Variants in IWS1 observed in about 807,000 individuals in gnomAD.
The protein encoded by IWS1 is interacts with SUPT6H, CTD assembly factor 1, also known as protein IWS1 homolog.
Under a neutral mutation model 86.7 loss-of-function variants are expected in IWS1, and 27 were observed. That is an observed-to-expected ratio of 0.31 (90% CI 0.23 to 0.43). IWS1 has a LOEUF of 0.43. IWS1 is among the 20% of genes least tolerant of loss of function. IWS1 has a pLI of 1.00. For missense variants in IWS1, 827 were observed against 1,000.8 expected (o/e 0.83, Z 2.34); for synonymous variants, 313 against 335.1 (o/e 0.93, Z 0.72).
At chr2:127,511,924 C>A (rs908114625) in intron 2 of IWS1, among the ~76,000 whole-genome samples, 2 of 152,164 alleles carry the variant, frequency 1.3e-5, no homozygotes, top group African/African-American at 4.8e-5. Context: ...ACTAACACAA[C>A]CTCCTGGTGG....
Position 127,526,291 on chromosome 2 carries a change from G to C in IWS1, c.-83C>G. On this transcript the variant is annotated 5_prime_UTR_variant, in exon 1 of 14. Transcript: ENST00000295321. ...TCCAGGCGGTGTGACCCCGGATGGC[G>C]CGGCTAAGTGTTCAGAGACTGCCGC... 6.5e-7 allele frequency: 1 copy of C among 1,544,056 alleles called. No homozygotes were observed. Among genetic ancestry groups the C allele is most frequent in the Non-Finnish European group, 8.7e-7 (1 of 1,146,882 alleles).
intron 2 of IWS1, 142 bp downstream of exon 2, chr2:127,523,534 C>T (rs998710719): frequency 1.4e-5 from 8 of 562,592 alleles, no homozygotes; most frequent in South Asian, 2.6e-5. Flanking sequence ...ATTTTTCAAG[C>T]GGTTTTCTAT....
intron 10 of IWS1, among the ~76,000 whole-genome samples, chr2:127,491,699 TC>T (rs1032615703): frequency 2.0e-5 from 3 of 152,136 alleles, no homozygotes; most frequent in African/African-American, 7.2e-5. Flanking sequence ...CACCTAAGCC[TC>T]CCAAAGTGCT....
chr2:127,494,970 A>T lies in IWS1; in HGVS notation c.1717-16T>A, dbSNP rs142701149. Reference sequence around the variant, plus strand: ...GTCTGTCTTCCTATTCAGAAAAAAAATAAAGATTTTTTTTTAAAACAGTAC... The same window carrying T: ...GTCTGTCTTCCTATTCAGAAAAAAATTAAAGATTTTTTTTTAAAACAGTAC... On this transcript the variant is annotated splice_polypyrimidine_tract_variant and intron_variant, in intron 7 of 13. Transcript: ENST00000295321. 4 of 1,521,072 alleles carry T rather than the reference A, an allele frequency of 2.6e-6. No individual in the cohort carries two copies. The South Asian group carries it at 3.7e-5, about 14-fold the overall frequency. 94.2% of individuals were successfully genotyped at this position (1,521,072 alleles called of 1,614,324 possible).
At chr2:127,484,996 C>CAAAAAGAAAAAG (rs55917794) in intron 13 of IWS1, among the ~76,000 whole-genome samples, 5 of 148,874 alleles carry the variant, frequency 3.4e-5, no homozygotes, top group African/African-American at 9.9e-5. Context: ...GACTCCGTCT[C>CAAAAAGAAAAAG]AAAAAGAAAA....
At position 127,523,702 on chromosome 2, in the gene IWS1, T is replaced by A. The variant is rs747069467; in HGVS notation, c.124A>T (p.Thr42Ser). 6.2e-7 allele frequency: 1 copy of A among 1,613,534 alleles called. No homozygotes were observed. ...DVNEQHSGSD[T>S]GSVERHSENE... ...TCTGAATGACGTTCTACACTTCCAGTGTCTGATCCGGAGTGTTGCTCATTT... is the reference window on the plus strand; with the variant it reads ...TCTGAATGACGTTCTACACTTCCAGAGTCTGATCCGGAGTGTTGCTCATTT... The change falls in exon 2 of 14, where the codon ACT (threonine) becomes TCT (serine). Residue 42 changes from threonine to serine, a missense_variant. Physicochemically the swap from Thr to Ser is moderately conservative, Grantham distance 58. This residue lies in a region of IWS1 where 548 missense variants were observed against 560.2 expected (regional missense o/e 0.98). Coordinates refer to ENST00000295321, the MANE Select transcript of IWS1 (RefSeq NM_017969.3).
At chr2:127,483,609 T>G (rs1344972709) in intron 13 of IWS1, among the ~76,000 whole-genome samples, 9 of 2,846 alleles carry the variant, frequency 3.2e-3, no homozygotes, top group Non-Finnish European at 8.6e-3. Flanking sequence ...TTGGGCTGTG[T>G]GTGTGTGTGT....
chr2:127,497,136 C>T (rs1017527731), intron 6 of IWS1, among the ~76,000 whole-genome samples: 2 of 152,188 alleles, frequency 1.3e-5, no homozygotes, highest in African/African-American at 4.8e-5. Context: ...CATGACTGTA[C>T]TTAGAACCTG....
At chr2:127,517,748 A>G (rs1033127052) in intron 2 of IWS1, among the ~76,000 whole-genome samples, 2 of 152,228 alleles carry the variant, frequency 1.3e-5, no homozygotes, top group Non-Finnish European at 1.5e-5. Context: ...CTGAAAACAT[A>G]TGTCTACAAA....
intron 2 of IWS1, among the ~76,000 whole-genome samples, chr2:127,516,642 T>A (rs921443820): frequency 8.5e-5 from 13 of 152,180 alleles, no homozygotes; most frequent in African/African-American, 3.1e-4. Context: ...GCAACTGTAG[T>A]CCTGGCTACT....
intron 1 of IWS1, among the ~76,000 whole-genome samples, chr2:127,525,359 A>G (rs1692344601): frequency 6.6e-6 from 1 of 152,232 alleles, no homozygotes; most frequent in Non-Finnish European, 1.5e-5. Flanking sequence ...AAAACAGTAA[A>G]GGGCTTAACG....
chr2:127,492,320 G>A (rs1429733737), intron 9 of IWS1, among the ~76,000 whole-genome samples: 1 of 152,120 alleles, frequency 6.6e-6, no homozygotes, highest in Admixed American at 6.5e-5. Context: ...TGAGGCGGGT[G>A]GATCACCTGA....
chr2:127,493,511 A>G, intron 8 of IWS1, 101 bp from the exon 9 acceptor site: 1 of 1,060,096 alleles, frequency 9.4e-7, no homozygotes, highest in Non-Finnish European at 1.3e-6. Flanking sequence ...ACTGCTTTTA[A>G]AGCGTTACTC....
chr2:127,494,838 G>T, intron 8 of IWS1, 34 bp downstream of exon 8: 1 of 1,243,080 alleles, frequency 8.0e-7, no homozygotes, highest in African/African-American at 1.5e-5. Context: ...CCATGAAAAG[G>T]AAAAAGACAT....
intron 6 of IWS1, among the ~76,000 whole-genome samples, 170 bp downstream of exon 6, chr2:127,497,970 C>T (rs1198735884): frequency 6.6e-6 from 1 of 152,074 alleles, no homozygotes; most frequent in Non-Finnish European, 1.5e-5. Flanking sequence ...AAATGAAAGA[C>T]AAGTAACAAC....
chr2:127,483,571 C>CGGGGGGGGG (rs1419283644), intron 13 of IWS1, among the ~76,000 whole-genome samples: 15 of 20,132 alleles, frequency 7.5e-4, no homozygotes, highest in South Asian at 3.3e-3. Context: ...ATAATTTGGT[C>CGGGGGGGGG]GGGGCGGGGG....
At chr2:127,500,074 A>G (rs1188345157) in intron 5 of IWS1, among the ~76,000 whole-genome samples, 3 of 152,248 alleles carry the variant, frequency 2.0e-5, no homozygotes, top group Non-Finnish European at 4.4e-5. Flanking sequence ...GGCAGAATTC[A>G]GTCTTCACCA....
intron 13 of IWS1, among the ~76,000 whole-genome samples, chr2:127,484,928 C>T (rs993550013): frequency 3.3e-5 from 5 of 151,920 alleles, no homozygotes; most frequent in East Asian, 1.9e-4. Flanking sequence ...ACCCAGGAGG[C>T]GGAACTTGCA....
At chr2:127,512,436 C>T (rs907207196) in intron 2 of IWS1, among the ~76,000 whole-genome samples, 4 of 152,222 alleles carry the variant, frequency 2.6e-5, no homozygotes, top group Non-Finnish European at 5.9e-5. Context: ...CCCCCTTCTT[C>T]CCTATCTGTC....
Sources: gnomAD v4.1 joint callset for allele counts (sites outside exome capture counted in the v4.1 genomes callset) on GRCh38, gnomAD v4.1.1 for gene constraint, gnomAD v4.1.1 regional missense constraint, MANE v1.5 for transcripts, NCBI Gene and HGNC (gene_info 2026-07-23, HGNC 2026-07-21) for gene names.